The following SFXN5 variants were observed in gnomAD, a reference collection of about 807,000 sequenced individuals.
The protein encoded by SFXN5 is sideroflexin 5.
Under a neutral mutation model 50.2 loss-of-function variants are expected in SFXN5, and 43 were observed. The observed-to-expected ratio is 0.86, with a 90% CI of 0.67 to 1.11. The LOEUF is 1.11. Ranked by LOEUF, SFXN5 falls within the 50% of genes least tolerant of loss-of-function variation. The pLI is 0.00. For missense variants in SFXN5, 463 were observed against 454.1 expected (o/e 1.02, Z -0.18); for synonymous variants, 203 against 185.8 (o/e 1.09, Z -0.75).
intron 9 of SFXN5, chr2:72,998,016 C>T (rs1368774069): frequency 6.6e-6 from 1 of 152,342 alleles, no homozygotes; most frequent in Non-Finnish European, 1.5e-5. Flanking sequence ...CTACCTCAGC[C>T]TCCTGAGTAG....
At chr2:73,037,933 G>T (rs1029605187) in intron 3 of SFXN5, among the ~76,000 whole-genome samples, 1 of 152,198 alleles carries the variant, frequency 6.6e-6, no homozygotes, top group Admixed American at 6.5e-5. Flanking sequence ...CCTGGAACTC[G>T]GAGGTAGGCC....
At chr2:73,017,761 T>C (rs1676356124) in intron 6 of SFXN5, among the ~76,000 whole-genome samples, 2 of 152,192 alleles carry the variant, frequency 1.3e-5, no homozygotes, top group Non-Finnish European at 2.9e-5. Context: ...TTTTACAAGT[T>C]GTATCTCCTA....
At chr2:73,031,156 A>G (rs1287290385) in intron 3 of SFXN5, among the ~76,000 whole-genome samples, 2 of 152,224 alleles carry the variant, frequency 1.3e-5, no homozygotes, top group Admixed American at 1.3e-4. Flanking sequence ...AGAAGCTGGC[A>G]GGTGGCTGGC....
chr2:72,998,949 A>G lies in SFXN5; in HGVS notation c.534T>C (p.Ala178=), dbSNP rs548132964. Residue 178 remains alanine (A), a splice_region_variant and synonymous_variant, in exon 9 of 14, where the codon GCT becomes GCC. Coordinates refer to ENST00000272433, the MANE Select transcript of SFXN5 (RefSeq NM_144579.3). ...AAGGAGCAGGGGAGGGAGTACTCAC[A>G]GCAATGGAGACGGCGCTGATGACAG... is the stretch of plus-strand genomic sequence containing the variant. ...LGAVISAVSI[A]VGLNVLVQKA... is the part of the protein sequence containing the mutation. 40 of 1,613,974 alleles carry G rather than the reference A, an allele frequency of 2.5e-5. No individual in the cohort carries two copies. In the South Asian group the frequency reaches 4.1e-4, roughly 16 times the overall value.
Position 72,996,502 on chromosome 2 carries a change from G to GT in SFXN5, c.534+2446dup, listed in dbSNP as rs1183156160. The GT allele has an allele frequency of 4.2e-3, 478 of 113,498 alleles. 8 individuals are homozygous for GT. The highest frequency in any genetic ancestry group is 0.016 in the East Asian group (59 of 3,580). The allele number at this position is 113,498 out of a possible 1,614,324, so 7.0% of individuals were successfully genotyped here. ...GCTCGGAGCTCTCAGAAAAAGCTGA[G>GT]TTTTGTTTTTTTTTTTTTTTTTTTG... On this transcript the variant is annotated intron_variant, in intron 9 of 13. Transcript: ENST00000272433.
chr2:72,976,892 A>G (rs943526699), intron 10 of SFXN5, among the ~76,000 whole-genome samples: 1 of 152,218 alleles, frequency 6.6e-6, no homozygotes, highest in African/African-American at 2.4e-5. Context: ...CATATGATAA[A>G]CAAAGGGCTA....
chr2:73,059,523 C>G, intron 1 of SFXN5: 7 of 985,390 alleles, frequency 7.1e-6, no homozygotes, highest in Non-Finnish European at 8.4e-6. Flanking sequence ...AATTCCTGTT[C>G]CTTTCCCTTC....
chr2:73,050,660 T>C (rs1420329560), intron 2 of SFXN5, among the ~76,000 whole-genome samples: 2 of 152,222 alleles, frequency 1.3e-5, no homozygotes, highest in Non-Finnish European at 2.9e-5. Context: ...CTGTGATGGA[T>C]GTGGCAACCT....
intron 10 of SFXN5, among the ~76,000 whole-genome samples, chr2:72,983,546 T>G (rs915996064): frequency 5.1e-4 from 77 of 152,210 alleles, no homozygotes; most frequent in African/African-American, 1.8e-3. Flanking sequence ...GATGAGCACA[T>G]GACACTCACT....
intron 11 of SFXN5, among the ~76,000 whole-genome samples, chr2:72,970,477 G>C (rs1234384821): frequency 6.6e-6 from 1 of 152,180 alleles, no homozygotes; most frequent in Admixed American, 6.5e-5. Context: ...CCTCATGACT[G>C]GGGTAAGGCT....
intron 10 of SFXN5, among the ~76,000 whole-genome samples, chr2:72,974,841 T>TAG (rs1235678740): frequency 2.7e-4 from 33 of 123,466 alleles, no homozygotes; most frequent in African/African-American, 6.1e-4. Flanking sequence ...AAGCAAATGA[T>TAG]AGAGAGAGAG....
chr2:72,957,089 T>C, intron 13 of SFXN5: 1 of 456,688 alleles, frequency 2.2e-6, no homozygotes, highest in South Asian at 1.5e-5. Flanking sequence ...CCCTTCTTGA[T>C]GGTTTTTCTT....
At chr2:72,999,948 G>A (rs374972968) in intron 8 of SFXN5, among the ~76,000 whole-genome samples, 1 of 152,150 alleles carries the variant, frequency 6.6e-6, no homozygotes, top group Non-Finnish European at 1.5e-5. Flanking sequence ...GGGGCTCTGG[G>A]GGGGAGTTAC....
intron 1 of SFXN5, 30 bp downstream of exon 1, chr2:73,071,574 C>A (rs778697764): frequency 1.2e-6 from 2 of 1,602,656 alleles, no homozygotes; most frequent in African/African-American, 2.7e-5. Context: ...TTGCCACCCG[C>A]CGGCCCGCAG....
chr2:72,974,623 G>C (rs1436073852), intron 10 of SFXN5, among the ~76,000 whole-genome samples: 1 of 152,164 alleles, frequency 6.6e-6, no homozygotes. Context: ...GTGTACATTG[G>C]TTGGCCTTTA....
intron 6 of SFXN5, among the ~76,000 whole-genome samples, chr2:73,016,520 C>G (rs967996274): frequency 1.3e-5 from 2 of 152,180 alleles, no homozygotes; most frequent in African/African-American, 4.8e-5. Flanking sequence ...GCCTGGCCAA[C>G]ATGGCGAAAC....
At chr2:73,055,540 G>A (rs975276125) in intron 2 of SFXN5, among the ~76,000 whole-genome samples, 6 of 151,654 alleles carry the variant, frequency 4.0e-5, no homozygotes, top group Admixed American at 6.6e-5. Context: ...GGTGACTCCC[G>A]CCTATAATCC....
chr2:73,066,539 CAGAG>C (rs575744609), intron 1 of SFXN5, among the ~76,000 whole-genome samples: 2 of 149,622 alleles, frequency 1.3e-5, no homozygotes, highest in Non-Finnish European at 3.0e-5. Context: ...GCCTGGGCGA[CAGAG>C]AGAGACTCTG....
intron 3 of SFXN5, among the ~76,000 whole-genome samples, chr2:73,034,733 G>C (rs931200537): frequency 1.3e-5 from 2 of 152,154 alleles, no homozygotes; most frequent in Non-Finnish European, 2.9e-5. Context: ...TTCCGTAATA[G>C]CACTTATTCC....
Sources: gnomAD v4.1 joint callset for allele counts (sites outside exome capture counted in the v4.1 genomes callset) on GRCh38, gnomAD v4.1.1 for gene constraint, MANE v1.5 for transcripts, NCBI Gene and HGNC (gene_info 2026-07-23, HGNC 2026-07-21) for gene names.